PPM1G: variants seen among roughly 807,000 people sequenced by gnomAD.
PPM1G encodes the protein protein phosphatase 1G.
PPM1G carries 12 observed loss-of-function variants against 59.4 expected under a neutral mutation model. That is an observed-to-expected ratio of 0.20 (90% CI 0.13 to 0.33). PPM1G has a LOEUF of 0.33. Among genes scored for constraint, PPM1G ranks in the 10% least tolerant of loss-of-function variants. The probability of loss-of-function intolerance (pLI) is 1.00; values close to 1 mark genes in which losing one functional copy is unlikely to be tolerated. For synonymous variants in PPM1G, 245 were observed against 251.9 expected (o/e 0.97, Z 0.26); for missense variants, 392 against 681.3 (o/e 0.58, Z 4.73).
At chr2:27,388,668 G>A (rs1683824646) in intron 1 of PPM1G, among the ~76,000 whole-genome samples, 1 of 152,070 alleles carries the variant, frequency 6.6e-6, no homozygotes, top group Non-Finnish European at 1.5e-5. Flanking sequence ...GAGGTCAGGA[G>A]ATCGAGACCA....
rs1032621622 is a variant in PPM1G, at chr2:27,409,369, G to C, written c.54C>G (p.Val18=). The change falls in exon 1 of 10, where the codon GTC becomes GTG. Residue 18 remains valine, a synonymous_variant. Transcript: ENST00000344034. ...AGGGCAGCGGCAGGCGCGGGGCGCC[G>C]ACCCCGTCCCCGGAGCACTTCACCG... ...PNTVKCSGDG[V]GAPRLPLPYG... is the part of the protein sequence containing the mutation. 33 of 1,541,546 alleles carry C rather than the reference G, an allele frequency of 2.1e-5. No homozygotes were observed. The highest frequency in any genetic ancestry group is 2.9e-5 in the Non-Finnish European group (33 of 1,143,422).
At position 27,385,450 on chromosome 2, in the gene PPM1G, G is replaced by T; in HGVS notation, c.409+297C>A. 2.3e-6 allele frequency: 1 copy of T among 426,866 alleles called. No individual in the cohort carries two copies. 26.4% of individuals were successfully genotyped at this position (426,866 alleles called of 1,614,324 possible). A position where few individuals can be genotyped will look rare whatever the true frequency, so the allele number is the denominator to read the frequency against. On this transcript the variant is annotated intron_variant, in intron 4 of 9. Coordinates refer to ENST00000344034, the MANE Select transcript of PPM1G (RefSeq NM_177983.3). This position sits in a 1 kb window ranked among gnomAD's most constrained non-coding sequence, Gnocchi z 4.1. ...TGATTGGCTATTGGGGCTAATAACT[G>T]CTCCAGTCTTGAGGGGAAAAAAAAG...
Position 27,387,289 on chromosome 2 carries a change from G to T in PPM1G, c.121-131C>A, listed in dbSNP as rs1391620470. The T allele has an allele frequency of 6.2e-6, 4 of 647,374 alleles. No individual in the cohort carries two copies. The East Asian group carries it at 1.1e-4, about 18-fold the overall frequency. The allele number at this position is 647,374 out of a possible 1,614,324, so 40.1% of individuals were successfully genotyped here. ...TGGCCTAGAAATAAGAAAGGAAGAA[G>T]GAATGATAAAATAAATACAGAGGAA... On this transcript the variant is annotated intron_variant, in intron 1 of 9. Transcript: ENST00000344034.
intron 2 of PPM1G, 120 bp downstream of exon 2, chr2:27,386,969 G>A (rs1683779201): frequency 6.9e-6 from 5 of 726,354 alleles, no homozygotes; most frequent in Non-Finnish European, 9.6e-6. Flanking sequence ...ACAGCACCAC[G>A]CAGGAAATGA....
rs1047933078 is a variant in PPM1G, at chr2:27,385,466, G to GA, written c.409+280dup. On this transcript the variant is annotated intron_variant, in intron 4 of 9. Transcript: ENST00000344034. This position sits in a 1 kb window ranked among gnomAD's most constrained non-coding sequence, Gnocchi z 4.1. ...CTAATAACTGCTCCAGTCTTGAGGG[G>GA]AAAAAAAAGCACATAAATACTAGCA... 32 of 434,102 alleles carry GA rather than the reference G, an allele frequency of 7.4e-5. No individual in the cohort carries two copies. The highest frequency in any genetic ancestry group is 1.2e-4 in the Admixed American group (3 of 24,686). 26.9% of individuals were successfully genotyped at this position (434,102 alleles called of 1,614,324 possible). A position where few individuals can be genotyped will look rare whatever the true frequency, so the allele number is the denominator to read the frequency against.
chr2:27,398,303 C>T (rs1456150053), intron 1 of PPM1G, among the ~76,000 whole-genome samples: 2 of 152,066 alleles, frequency 1.3e-5, no homozygotes, highest in African/African-American at 4.8e-5. Flanking sequence ...ACTTGATATC[C>T]ACACACAAAA....
chr2:27,397,375 CAA>C (rs1684076557), intron 1 of PPM1G, among the ~76,000 whole-genome samples: 1 of 152,074 alleles, frequency 6.6e-6, no homozygotes, highest in African/African-American at 2.4e-5. Flanking sequence ...TAAAACCAGA[CAA>C]AGACATCACA....
rs2148417398 is a variant in PPM1G, at chr2:27,382,896, G to A, written c.1202-291C>T. ...GCTGGAGTGTAATGGCACGATCTCG[G>A]CTCACTACAACCTCCGCCTCCCGGA... On this transcript the variant is annotated intron_variant, in intron 7 of 9. Transcript: ENST00000344034. This position sits in a 1 kb window ranked among gnomAD's most constrained non-coding sequence, Gnocchi z 4.2. Among the ~76,000 whole-genome samples the A allele has an allele frequency of 6.6e-6, 1 of 151,016 alleles. No individual in the cohort carries two copies. Among genetic ancestry groups the A allele is most frequent in the Admixed American group, 6.6e-5 (1 of 15,138 alleles).
At chr2:27,403,768 A>C (rs1024182390) in intron 1 of PPM1G, among the ~76,000 whole-genome samples, 3 of 152,040 alleles carry the variant, frequency 2.0e-5, no homozygotes, top group Non-Finnish European at 2.9e-5. Flanking sequence ...CATGCCTGTA[A>C]TCCCAGCTAC....
rs2148417846 is a variant in PPM1G, at chr2:27,383,905, C to T, written c.966+47G>A. 1 of 1,550,192 alleles carries T rather than the reference C, an allele frequency of 6.5e-7. No homozygotes were observed. The highest frequency in any genetic ancestry group is 8.7e-7 in the Non-Finnish European group (1 of 1,146,014). On this transcript the variant is annotated intron_variant, in intron 6 of 9. Coordinates refer to ENST00000344034, the MANE Select transcript of PPM1G (RefSeq NM_177983.3). The surrounding 1 kb of genome is among the most constrained non-coding windows in gnomAD (Gnocchi z 5.0). ...CAAAATCAAAATTAGGGGATTCACACCTGCCTTGTGGCTTTTCAAGACTCA... is the reference window on the plus strand; with the variant it reads ...CAAAATCAAAATTAGGGGATTCACATCTGCCTTGTGGCTTTTCAAGACTCA...
intron 1 of PPM1G, among the ~76,000 whole-genome samples, chr2:27,404,296 C>T (rs1029435944): frequency 6.6e-6 from 1 of 152,070 alleles, no homozygotes; most frequent in Admixed American, 6.6e-5. Flanking sequence ...ATCTGTAATC[C>T]CAGCACTTTG....
chr2:27,381,901 G>T, intron 9 of PPM1G, 96 bp from the exon 10 acceptor site: 2 of 1,314,426 alleles, frequency 1.5e-6, no homozygotes, highest in Non-Finnish European at 2.2e-6. Context: ...AGTCAGGGTG[G>T]TAGGAGAGGA....
Position 27,409,545 on chromosome 2 carries a change from T to G in PPM1G, c.-123A>C. 2 of 1,254,864 alleles carry G rather than the reference T, an allele frequency of 1.6e-6. No homozygotes were observed. Among genetic ancestry groups the G allele is most frequent in the Non-Finnish European group, 2.0e-6 (2 of 979,534 alleles). The allele number at this position is 1,254,864 out of a possible 1,614,324, so 77.7% of individuals were successfully genotyped here. On this transcript the variant is annotated 5_prime_UTR_variant, in exon 1 of 10. Transcript: ENST00000344034. ...CGGCGCGACCGACGCAAGGTGCCGG[T>G]GAAAGGCGCGAGGCCGGCCAGGAGG...
In PPM1G at chr2:27,384,880, G is replaced by T; in HGVS notation, c.618C>A (p.Pro206=). The change falls in exon 5 of 10, where the codon CCC becomes CCA. Residue 206 remains proline, a synonymous_variant. Transcript: ENST00000344034. This position sits in a 1 kb window ranked among gnomAD's most constrained non-coding sequence, Gnocchi z 4.8. The part of the protein sequence containing the change: ...TRETPSQENG[P]TAKAYTGFSS... The stretch of plus-strand genomic sequence containing the variant: ...AAAAGCCTGTGTAGGCCTTGGCTGT[G>T]GGGCCATTTTCTTGTGAAGGAGTTT... 3.1e-6 allele frequency: 5 copies of T among 1,614,134 alleles called. No individual in the cohort carries two copies. The highest frequency in any genetic ancestry group is 4.2e-6 in the Non-Finnish European group (5 of 1,180,032).
chr2:27,394,835 C>T (rs1684007222), intron 1 of PPM1G, among the ~76,000 whole-genome samples: 2 of 151,220 alleles, frequency 1.3e-5, no homozygotes, highest in Non-Finnish European at 2.9e-5. Context: ...TTTTCCTGCA[C>T]ACAATGGCCA....
At chr2:27,409,049 G>A (rs1387018367) in intron 1 of PPM1G, among the ~76,000 whole-genome samples, 1 of 152,204 alleles carries the variant, frequency 6.6e-6, no homozygotes, top group African/African-American at 2.4e-5. Context: ...CGGGGAGAGG[G>A]CGGTCAGTGG....
rs1282474261 is a variant in PPM1G at position 27,382,833 on chromosome 2, T to TG, written c.1202-229_1202-228insC. Among the ~76,000 whole-genome samples the TG allele has an allele frequency of 6.6e-6, 1 of 151,432 alleles. No homozygotes were observed. The highest frequency in any genetic ancestry group is 1.5e-5 in the Non-Finnish European group (1 of 67,856). ...TTTTTATTTTAAGTCTTTTTTGTTT[T>TG]TTTTTTTTTGAGACGGAGTTTCACT... On this transcript the variant is annotated intron_variant, in intron 7 of 9. Coordinates refer to ENST00000344034, the MANE Select transcript of PPM1G (RefSeq NM_177983.3). This position sits in a 1 kb window ranked among gnomAD's most constrained non-coding sequence, Gnocchi z 4.2.
rs529878477 is a variant in PPM1G at position 27,392,865 on chromosome 2, G to C, written c.121-5707C>G. 62 of 1,449,130 alleles carry C rather than the reference G, an allele frequency of 4.3e-5. No homozygotes were observed. In the South Asian group the frequency reaches 4.9e-4, roughly 11 times the overall value. 89.8% of individuals were successfully genotyped at this position (1,449,130 alleles called of 1,614,324 possible). A position where few individuals can be genotyped will look rare whatever the true frequency, so the allele number is the denominator to read the frequency against. On this transcript the variant is annotated intron_variant, in intron 1 of 9. Coordinates refer to ENST00000344034, the MANE Select transcript of PPM1G (RefSeq NM_177983.3). Reference sequence around the variant, plus strand: ...CGCCAGATTCGGGCGCTCCCATCTCGTGCATGTTGGTCACGTGGTCACCCA... The same window carrying C: ...CGCCAGATTCGGGCGCTCCCATCTCCTGCATGTTGGTCACGTGGTCACCCA...
chr2:27,386,639 CCA>C (rs1683771431), intron 2 of PPM1G: 1 of 181,692 alleles, frequency 5.5e-6, no homozygotes, highest in Non-Finnish European at 1.2e-5. Context: ...ACTGCAACCT[CCA>C]CCTCCCAGGT....
Sources: allele counts gnomAD v4.1 joint callset (sites outside exome capture counted in the v4.1 genomes callset), GRCh38; gene constraint gnomAD v4.1.1; non-coding constraint Gnocchi (gnomAD v3.1); transcripts MANE v1.5; gene names NCBI Gene and HGNC (gene_info 2026-07-23, HGNC 2026-07-21).